Variants in PDSS2 observed in about 807,000 individuals in gnomAD.
The protein encoded by PDSS2 is all trans-polyprenyl-diphosphate synthase PDSS2.
PDSS2 carries 31 observed loss-of-function variants against 44.5 expected under a neutral mutation model. The ratio of observed to expected loss-of-function variants is 0.70; its 90% confidence interval spans 0.52 to 0.94. The LOEUF (loss-of-function observed/expected upper bound fraction) is 0.94. Among genes scored for constraint, PDSS2 ranks in the 40% least tolerant of loss-of-function variants. The pLI is 0.00. For synonymous variants in PDSS2, 157 were observed against 180.3 expected (o/e 0.87, Z 1.03); for missense variants, 452 against 482.2 (o/e 0.94, Z 0.59).
rs1488764429 is a variant in PDSS2 at position 107,166,410 on chromosome 6, G to C, written c.1042-11633C>G. ...GATGGAGTCTCACTCTGTCGCCCAG[G>C]CTGGAGTGCAGTGGCGTGATCTCGG... On this transcript the variant is annotated intron_variant, in intron 7 of 7. Transcript: ENST00000369037. Among the ~76,000 whole-genome samples, 5 of 141,880 alleles carry C rather than the reference G, an allele frequency of 3.5e-5. No individual in the cohort carries two copies. In the East Asian group the frequency reaches 1.0e-3, roughly 29 times the overall value. The allele number at this position is 141,880 out of a possible 152,430, so 93.1% of individuals were successfully genotyped here. A position where few individuals can be genotyped will look rare whatever the true frequency, so the allele number is the denominator to read the frequency against.
chr6:107,355,747 A>G (rs897175046), intron 1 of PDSS2, among the ~76,000 whole-genome samples: 8 of 152,224 alleles, frequency 5.3e-5, no homozygotes, highest in African/African-American at 1.9e-4. Flanking sequence ...CCTGTGTAAG[A>G]GAGATTCTCA....
At chr6:107,224,871 C>A (rs1562388715) in intron 4 of PDSS2, among the ~76,000 whole-genome samples, 1 of 150,434 alleles carries the variant, frequency 6.6e-6, no homozygotes, top group Non-Finnish European at 1.5e-5. Flanking sequence ...TTCTGAGGGT[C>A]AGGAATCCAG....
intron 7 of PDSS2, among the ~76,000 whole-genome samples, chr6:107,155,048 T>A (rs576378670): frequency 2.2e-4 from 33 of 152,084 alleles, no homozygotes; most frequent in Middle Eastern, 3.4e-3. Context: ...CATCCCTTAA[T>A]ATCTTGAAAT....
intron 2 of PDSS2, among the ~76,000 whole-genome samples, chr6:107,280,366 T>C (rs1411139110): frequency 1.3e-5 from 2 of 152,184 alleles, no homozygotes; most frequent in African/African-American, 2.4e-5. Context: ...TGGGCCCTCA[T>C]GCTAACTCTT....
intron 1 of PDSS2, among the ~76,000 whole-genome samples, chr6:107,366,901 C>T (rs574175412): frequency 9.9e-5 from 15 of 152,108 alleles, no homozygotes; most frequent in Admixed American, 2.0e-4. Flanking sequence ...GATGGTTTTG[C>T]TTGCAAATTC....
intron 1 of PDSS2, among the ~76,000 whole-genome samples, chr6:107,378,740 C>T (rs192938428): frequency 6.6e-5 from 10 of 152,274 alleles, no homozygotes; most frequent in Non-Finnish European, 1.2e-4. Context: ...GAGCCGATAT[C>T]GCACCACCGC....
chr6:107,262,565 G>A (rs1362462491), intron 3 of PDSS2, among the ~76,000 whole-genome samples: 2 of 152,152 alleles, frequency 1.3e-5, no homozygotes, highest in East Asian at 3.9e-4. Flanking sequence ...GAGGTCAGGA[G>A]ATCAAGACCA....
chr6:107,158,527 C>T (rs1396887559), intron 7 of PDSS2, among the ~76,000 whole-genome samples: 2 of 152,030 alleles, frequency 1.3e-5, no homozygotes, highest in African/African-American at 4.8e-5. Flanking sequence ...GCACTTAATA[C>T]TAAACTCCAT....
intron 2 of PDSS2, among the ~76,000 whole-genome samples, chr6:107,286,299 G>A (rs1776149163): frequency 6.6e-6 from 1 of 151,782 alleles, no homozygotes; most frequent in Non-Finnish European, 1.5e-5. Flanking sequence ...CTTGAGGTCA[G>A]GAGTTTGAGA....
At chr6:107,379,859 T>C (rs555717430) in intron 1 of PDSS2, among the ~76,000 whole-genome samples, 1 of 152,248 alleles carries the variant, frequency 6.6e-6, no homozygotes, top group African/African-American at 2.4e-5. Flanking sequence ...GAGTTAGGGC[T>C]ATTCATAATT....
chr6:107,291,551 C>CG (rs71012792), intron 2 of PDSS2, among the ~76,000 whole-genome samples: 47,452 of 143,992 alleles, frequency 0.33, 8,457 homozygotes, highest in East Asian at 0.52. Flanking sequence ...TAAGTAGAGA[C>CG]GGGGGGGTCT....
chr6:107,364,429 C>T (rs1296653343), intron 1 of PDSS2, among the ~76,000 whole-genome samples: 2 of 152,218 alleles, frequency 1.3e-5, no homozygotes, highest in African/African-American at 2.4e-5. Flanking sequence ...TCGAGCACAG[C>T]GCCAGTGGGC....
intron 1 of PDSS2, among the ~76,000 whole-genome samples, chr6:107,438,271 T>C (rs1781414763): frequency 6.6e-6 from 1 of 152,140 alleles, no homozygotes; most frequent in South Asian, 2.1e-4. Context: ...TGCAATGGCA[T>C]GATCTCAGTT....
rs74760231 is a variant in PDSS2 at position 107,325,313 on chromosome 6, T to C, written c.431+8885A>G. ...TTACCTCAGTATGTACAGGTGTTTC[T>C]TGACTTACAATGGGGTTATGTCCTG... On this transcript the variant is annotated intron_variant, in intron 2 of 7. Coordinates refer to ENST00000369037, the MANE Select transcript of PDSS2 (RefSeq NM_020381.4). Among the ~76,000 whole-genome samples the C allele has an allele frequency of 2.6e-5, 4 of 152,346 alleles. No individual in the cohort carries two copies. In the East Asian group the frequency reaches 7.7e-4, roughly 29 times the overall value.
At chr6:107,192,406 T>C in intron 7 of PDSS2, 1 of 501,788 alleles carries the variant, frequency 2.0e-6, no homozygotes, top group South Asian at 1.5e-5. Context: ...AAGTCAAAAA[T>C]CAAAGAAGAG....
At chr6:107,332,762 A>C (rs549762754) in intron 2 of PDSS2, among the ~76,000 whole-genome samples, 6 of 152,336 alleles carry the variant, frequency 3.9e-5, no homozygotes, top group African/African-American at 1.4e-4. Context: ...AACAACTCTT[A>C]CTATGGCATT....
intron 1 of PDSS2, among the ~76,000 whole-genome samples, chr6:107,457,441 A>G (rs1378489460): frequency 6.6e-6 from 1 of 152,268 alleles, no homozygotes; most frequent in Non-Finnish European, 1.5e-5. Context: ...AGGTCCTTTT[A>G]GTCCTGGATT....
chr6:107,208,250 T>C (rs1181166944), intron 6 of PDSS2, among the ~76,000 whole-genome samples: 3 of 145,664 alleles, frequency 2.1e-5, no homozygotes, highest in African/African-American at 7.6e-5. Context: ...CCTCCCAAAG[T>C]GCTGGGATTA....
chr6:107,415,463 CAG>C (rs1780629176), intron 1 of PDSS2, among the ~76,000 whole-genome samples: 1 of 152,074 alleles, frequency 6.6e-6, no homozygotes, highest in Non-Finnish European at 1.5e-5. Flanking sequence ...TCATAAAAAA[CAG>C]ATACTCTCAC....
Sources: gnomAD v4.1 joint callset for allele counts (sites outside exome capture counted in the v4.1 genomes callset) on GRCh38, gnomAD v4.1.1 for gene constraint, MANE v1.5 for transcripts, NCBI Gene and HGNC (gene_info 2026-07-23, HGNC 2026-07-21) for gene names.